The following MSRA variants were observed in gnomAD, a reference collection of about 807,000 sequenced individuals.
MSRA encodes the protein methionine sulfoxide reductase A.
MSRA carries 54 observed loss-of-function variants against 31.3 expected under a neutral mutation model. The observed-to-expected ratio is 1.73, with a 90% confidence interval of 1.39 to 2.17. MSRA has a LOEUF of 2.17. Ranked by LOEUF, MSRA falls within the 30% of genes most tolerant of loss-of-function variation. MSRA has a pLI of 0.00. For missense variants in MSRA, 507 were observed against 300.9 expected, an observed-to-expected ratio of 1.69 and a Z score of -5.07; for synonymous variants, 169 against 116.5, an observed-to-expected ratio of 1.45 and a Z score of -2.90.
chr8:10,263,212 C>T (rs770309196), intron 3 of MSRA, among the ~76,000 whole-genome samples: 6 of 152,186 alleles, frequency 3.9e-5, no homozygotes, highest in Non-Finnish European at 8.8e-5. Context: ...GCTGTCACCC[C>T]CAAACGAAGT....
intron 2 of MSRA, among the ~76,000 whole-genome samples, chr8:10,242,300 C>A (rs557099691): frequency 2.6e-5 from 4 of 151,124 alleles, no homozygotes; most frequent in Admixed American, 6.6e-5. Flanking sequence ...AAAGACGTAT[C>A]AAATTTAAAA....
chr8:10,285,427 G>A (rs935887685), intron 3 of MSRA, among the ~76,000 whole-genome samples: 4 of 152,112 alleles, frequency 2.6e-5, no homozygotes, highest in Admixed American at 2.0e-4. Context: ...TGTATACAAT[G>A]TGTAATGATC....
chr8:10,218,018 C>G (rs970777066), intron 2 of MSRA, among the ~76,000 whole-genome samples: 24 of 152,006 alleles, frequency 1.6e-4, no homozygotes, highest in Admixed American at 1.2e-3. Flanking sequence ...CATTTGTCCT[C>G]TTGTATTTTC....
At chr8:10,315,425 A>G (rs1177698276) in intron 4 of MSRA, among the ~76,000 whole-genome samples, 1 of 152,240 alleles carries the variant, frequency 6.6e-6, no homozygotes, top group Non-Finnish European at 1.5e-5. Flanking sequence ...TCTTGACATT[A>G]GTGGTGGTGA....
chr8:10,316,527 C>CCTCTCTCTCTCTCTCT (rs139421344), intron 4 of MSRA, among the ~76,000 whole-genome samples: 5 of 112,546 alleles, frequency 4.4e-5, no homozygotes, highest in Admixed American at 9.2e-5. Context: ...TTTGATGATC[C>CCTCTCTCTCTCTCTCT]CTCTCTCTCT....
At chr8:10,109,705 T>A (rs1160016160) in intron 1 of MSRA, among the ~76,000 whole-genome samples, 3 of 152,246 alleles carry the variant, frequency 2.0e-5, no homozygotes, top group Admixed American at 2.0e-4. Flanking sequence ...TCACACTGTT[T>A]TTGAAGAAAC....
chr8:10,268,380 A>G (rs1798855468), intron 3 of MSRA, among the ~76,000 whole-genome samples: 1 of 144,038 alleles, frequency 6.9e-6, no homozygotes, highest in African/African-American at 2.4e-5. Flanking sequence ...TGGGGAGACT[A>G]CACTCTTTTA....
rs372479936 is a variant in MSRA, at chr8:10,393,176, C to G, written c.544-34972C>G. Among the ~76,000 whole-genome samples the G allele has an allele frequency of 5.5e-4, 84 of 151,748 alleles. No homozygotes were observed. In the Middle Eastern group the frequency reaches 0.021, roughly 37 times the overall value. ...GAGCTTGGGGAGATTGTGGGGAGAA[C>G]AGAAAGCAGCCGCCCGCCCCCCGTG... is the stretch of plus-strand genomic sequence containing the variant. On this transcript the variant is annotated intron_variant, in intron 5 of 5. Coordinates refer to ENST00000317173, the MANE Select transcript of MSRA (RefSeq NM_012331.5).
rs140161272 is a variant in MSRA, at chr8:10,366,922, A to C, written c.543+46933A>C. On this transcript the variant is annotated intron_variant, in intron 5 of 5. Transcript: ENST00000317173. ...ACTTGGGTTGACCTGAGGTCTTGTGATATTGTTGTGTTCCGGTTGGGCCTT... is the reference window on the plus strand; with the variant it reads ...ACTTGGGTTGACCTGAGGTCTTGTGCTATTGTTGTGTTCCGGTTGGGCCTT... Among the ~76,000 whole-genome samples the C allele has an allele frequency of 3.2e-4, 48 of 151,942 alleles. No individual in the cohort carries two copies. The East Asian group carries it at 8.9e-3, about 28-fold the overall frequency.
chr8:10,265,475 C>T (rs1005336913), intron 3 of MSRA, among the ~76,000 whole-genome samples: 51 of 152,112 alleles, frequency 3.4e-4, no homozygotes, highest in African/African-American at 1.2e-3. Context: ...CTTCTCTTCT[C>T]CCAGGGTAGG....
At position 10,372,150 on chromosome 8, in the gene MSRA, C is replaced by T. The variant is rs141516085; in HGVS notation, c.543+52161C>T. Among the ~76,000 whole-genome samples the T allele has an allele frequency of 7.6e-4, 115 of 152,308 alleles. 1 individual carries two copies. In the East Asian group the frequency reaches 0.015, roughly 20 times the overall value. ...CTGGAAGGGCATCGTTAGCTCTTCT[C>T]ACCAGGCAGGGCCTTCCCACCTTTT... On this transcript the variant is annotated intron_variant, in intron 5 of 5. Transcript: ENST00000317173.
chr8:10,245,832 C>T (rs147332092), intron 3 of MSRA, among the ~76,000 whole-genome samples: 142 of 152,342 alleles, frequency 9.3e-4, no homozygotes, highest in Non-Finnish European at 1.5e-3. Flanking sequence ...AAGTCATATG[C>T]GCTAGCTAGA....
intron 5 of MSRA, among the ~76,000 whole-genome samples, chr8:10,333,101 G>A (rs976848270): frequency 4.6e-5 from 7 of 152,052 alleles, no homozygotes; most frequent in African/African-American, 1.5e-4. Context: ...TTTGATTTTA[G>A]TAGAAGTACA....
chr8:10,219,240 G>A (rs1277603785), intron 2 of MSRA, among the ~76,000 whole-genome samples: 2 of 152,104 alleles, frequency 1.3e-5, no homozygotes, highest in East Asian at 1.9e-4. Flanking sequence ...GCTTTTTCAC[G>A]CCTCTGCTTA....
In MSRA at chr8:10,085,429, A is replaced by T. The variant is rs188728092; in HGVS notation, c.142+30771A>T. On this transcript the variant is annotated intron_variant, in intron 1 of 5. Transcript: ENST00000317173. ...TTTGGCAGTCATTTCTTGCCACGTG[A>T]TATCTAATAACTTCCATGGATCTGT... Among the ~76,000 whole-genome samples, 288 of 152,262 alleles carry T rather than the reference A, an allele frequency of 1.9e-3. 2 individuals are homozygous for T. Among genetic ancestry groups the T allele is most frequent in the African/African-American group, 6.6e-3 (276 of 41,540 alleles).
At chr8:10,411,764 G>T (rs1028191130) in intron 5 of MSRA, among the ~76,000 whole-genome samples, 1 of 152,220 alleles carries the variant, frequency 6.6e-6, no homozygotes, top group African/African-American at 2.4e-5. Context: ...GGCGTAAGAG[G>T]ATTTTAAGAA....
chr8:10,138,336 C>G (rs940118259), intron 1 of MSRA, among the ~76,000 whole-genome samples: 1 of 152,108 alleles, frequency 6.6e-6, no homozygotes, highest in East Asian at 1.9e-4. Flanking sequence ...GTGGGAGCCG[C>G]GGGACACGGT....
chr8:10,367,477 C>T (rs1771961453), intron 5 of MSRA, among the ~76,000 whole-genome samples: 1 of 152,202 alleles, frequency 6.6e-6, no homozygotes, highest in African/African-American at 2.4e-5. Context: ...ACATATCCCT[C>T]ATGGATAAGG....
chr8:10,284,494 C>T (rs185857701), intron 3 of MSRA, among the ~76,000 whole-genome samples: 30 of 152,196 alleles, frequency 2.0e-4, no homozygotes, highest in East Asian at 3.9e-4. Flanking sequence ...ATGCCCGGCA[C>T]GGAATGAATC....
Sources: allele counts gnomAD v4.1 joint callset (sites outside exome capture counted in the v4.1 genomes callset), GRCh38; gene constraint gnomAD v4.1.1; transcripts MANE v1.5; gene names NCBI Gene and HGNC (gene_info 2026-07-23, HGNC 2026-07-21).